The following SLC9A3 variants were observed in gnomAD, a reference collection of about 807,000 sequenced individuals.
SLC9A3 encodes solute carrier family 9 member A3, also known as sodium/hydrogen exchanger 3.
A neutral mutation model predicts 86.8 loss-of-function variants in SLC9A3; 37 were observed. The ratio of observed to expected loss-of-function variants is 0.43; its 90% CI spans 0.33 to 0.56. The LOEUF (loss-of-function observed/expected upper bound fraction) is 0.56. Among genes scored for constraint, SLC9A3 ranks in the 20% least tolerant of loss-of-function variants. SLC9A3 has a pLI of 0.06. For synonymous variants in SLC9A3, 581 were observed against 528.3 expected (o/e 1.10, Z -1.37); for missense variants, 1,011 against 1,171.9 (o/e 0.86, Z 2.00).
intron 1 of SLC9A3, among the ~76,000 whole-genome samples, chr5:518,368 C>T (rs563004080): frequency 6.6e-6 from 1 of 151,854 alleles, no homozygotes; most frequent in African/African-American, 2.4e-5. Context: ...TGAGATATGG[C>T]ACTTCGCGAC....
chr5:518,166 G>C (rs1262189861), intron 1 of SLC9A3, among the ~76,000 whole-genome samples: 2 of 152,240 alleles, frequency 1.3e-5, no homozygotes, highest in Non-Finnish European at 2.9e-5. Context: ...GACCTTGGAG[G>C]AGGAGGTGTC....
At position 482,656 on chromosome 5, in the gene SLC9A3, C is replaced by T. The variant is rs1244308790; in HGVS notation, c.1248G>A (p.Gly416=). Residue 416 remains glycine, a synonymous_variant, in exon 7 of 17, where the codon GGG becomes GGA. Coordinates refer to ENST00000264938, the MANE Select transcript of SLC9A3 (RefSeq NM_004174.4). ...QVVLSYGGLR[G]AVAFALVVLL... ...GCACCACCAGGGCAAAGGCCACGGCCCCGCGCAGGCCCCCGTAGGACAGGA... is the reference window on the plus strand; with the variant it reads ...GCACCACCAGGGCAAAGGCCACGGCTCCGCGCAGGCCCCCGTAGGACAGGA... The T allele has an allele frequency of 2.4e-5, 39 of 1,612,612 alleles. No homozygotes were observed. In the Admixed American group the frequency reaches 6.5e-4, roughly 27 times the overall value.
At chr5:510,027 T>C (rs999797865) in intron 1 of SLC9A3, among the ~76,000 whole-genome samples, 6 of 151,990 alleles carry the variant, frequency 3.9e-5, no homozygotes, top group African/African-American at 1.2e-4. Context: ...GCTCCAACGA[T>C]GTGGAGGAGA....
intron 7 of SLC9A3, 30 bp from the exon 8 acceptor site, chr5:482,187 C>A: frequency 1.3e-6 from 2 of 1,535,410 alleles, no homozygotes; most frequent in Middle Eastern, 3.4e-4. Context: ...GACCCTGGTG[C>A]CAGGCAGCCC....
At chr5:518,053 G>A (rs770268379) in intron 1 of SLC9A3, among the ~76,000 whole-genome samples, 3 of 152,136 alleles carry the variant, frequency 2.0e-5, no homozygotes, top group African/African-American at 7.2e-5. Flanking sequence ...GTCCATTCAC[G>A]TGCTCAGATC....
At chr5:518,540 G>A (rs1050012573) in intron 1 of SLC9A3, among the ~76,000 whole-genome samples, 4 of 152,212 alleles carry the variant, frequency 2.6e-5, no homozygotes, top group Non-Finnish European at 5.9e-5. Context: ...GGTGAGGAAA[G>A]CCTTGGTGGC....
chr5:492,369 G>T (rs1380168682), intron 1 of SLC9A3, among the ~76,000 whole-genome samples: 77 of 49,896 alleles, frequency 1.5e-3, no homozygotes, highest in Non-Finnish European at 2.3e-3. Flanking sequence ...GGAGGGGAGG[G>T]AGGTAGGGGG....
chr5:471,654 C>A lies in SLC9A3; in HGVS notation c.*1725G>T. 2.4e-6 allele frequency: 1 copy of A among 409,356 alleles called. No homozygotes were observed. 25.4% of individuals were successfully genotyped at this position (409,356 alleles called of 1,614,324 possible). On this transcript the variant is annotated 3_prime_UTR_variant, in exon 17 of 17. Transcript: ENST00000264938. Reference sequence around the variant, plus strand: ...GCAGGGCTTGCTGCATAGAGGATGGCTGCATTTTGTGCTCAGAGTTGGTTG... The same window carrying A: ...GCAGGGCTTGCTGCATAGAGGATGGATGCATTTTGTGCTCAGAGTTGGTTG...
At chr5:503,938 A>G (rs1307587805) in intron 1 of SLC9A3, among the ~76,000 whole-genome samples, 1 of 152,120 alleles carries the variant, frequency 6.6e-6, no homozygotes, top group Non-Finnish European at 1.5e-5. Flanking sequence ...GGGGGTTCCC[A>G]TCTTCACCCG....
At chr5:479,742 G>C in intron 10 of SLC9A3, 94 bp downstream of exon 10, 1 of 1,347,728 alleles carries the variant, frequency 7.4e-7, no homozygotes, top group South Asian at 1.2e-5. Flanking sequence ...TTGGGACGCG[G>C]GTGCAGGGGC....
At chr5:520,105 G>A (rs572233913) in intron 1 of SLC9A3, among the ~76,000 whole-genome samples, 39 of 146,382 alleles carry the variant, frequency 2.7e-4, no homozygotes, top group Admixed American at 8.1e-4. Context: ...AGTCACTGCC[G>A]CTGCTCAGGT....
In SLC9A3 at chr5:472,699, G is replaced by A; in HGVS notation, c.*680C>T. ...TTTACCTGCAGTTCAAAGACCTGGC[G>A]AGGGCCTGGAAACGGCGCTCGGCCC... On this transcript the variant is annotated 3_prime_UTR_variant, in exon 17 of 17. Transcript: ENST00000264938. 3.7e-6 allele frequency: 2 copies of A among 539,912 alleles called. No individual in the cohort carries two copies. Among genetic ancestry groups the A allele is most frequent in the East Asian group, 4.5e-5 (1 of 22,164 alleles). The allele number at this position is 539,912 out of a possible 1,614,324, so 33.4% of individuals were successfully genotyped here. A position where few individuals can be genotyped will look rare whatever the true frequency, so the allele number is the denominator to read the frequency against.
At chr5:514,432 C>T (rs868868530) in intron 1 of SLC9A3, among the ~76,000 whole-genome samples, 23 of 152,230 alleles carry the variant, frequency 1.5e-4, no homozygotes, top group Admixed American at 1.1e-3. Context: ...CCGCTGGCTC[C>T]CCCTTCCTGG....
Position 524,186 on chromosome 5 carries a change from G to T in SLC9A3, c.137C>A (p.Thr46Asn). Residue 46 changes from threonine (T) to asparagine (N), a missense_variant, in exon 1 of 17, where the codon ACC (threonine) becomes AAC (asparagine). By Grantham distance (65) the Thr-to-Asn change is moderately conservative. Coordinates refer to ENST00000264938, the MANE Select transcript of SLC9A3 (RefSeq NM_004174.4). ...HGESGGFQVV[T>N]FEWAHVQDPY... Reference sequence around the variant, plus strand: ...ATCCTGCACGTGGGCCCACTCGAAGGTGACCACCTGGAAGCCCCCGCTCTC... The same window carrying T: ...ATCCTGCACGTGGGCCCACTCGAAGTTGACCACCTGGAAGCCCCCGCTCTC... 1 of 1,546,480 alleles carries T rather than the reference G, an allele frequency of 6.5e-7. No individual in the cohort carries two copies. The highest frequency in any genetic ancestry group is 1.2e-5 in the South Asian group (1 of 83,062).
rs910682611 is a variant in SLC9A3 at position 482,439 on chromosome 5, T to C, written c.1356+109A>G. 8.5e-6 allele frequency: 8 copies of C among 942,636 alleles called. No homozygotes were observed. The East Asian group carries it at 1.2e-4, about 14-fold the overall frequency. 58.4% of individuals were successfully genotyped at this position (942,636 alleles called of 1,614,324 possible). ...AAACGGCTCCTAGTTACTAAAATTA[T>C]GAAACCCAATTAGGGTCTGGAGCCT... On this transcript the variant is annotated intron_variant, in intron 7 of 16. Transcript: ENST00000264938.
intron 16 of SLC9A3, among the ~76,000 whole-genome samples, chr5:473,877 G>A (rs1738544348): frequency 6.6e-6 from 1 of 152,232 alleles, no homozygotes; most frequent in Admixed American, 6.5e-5. Flanking sequence ...GACCCGGGGC[G>A]TCTGTCTGGC....
chr5:471,116 A>G lies in SLC9A3; in HGVS notation c.*2263T>C, dbSNP rs1406307100. ...GTGTTTAGCCTGTGCAATTCTCGTC[A>G]ACACAGAACACCTGCCTGCCCACCC... On this transcript the variant is annotated 3_prime_UTR_variant, in exon 17 of 17. Coordinates refer to ENST00000264938, the MANE Select transcript of SLC9A3 (RefSeq NM_004174.4). 1 of 154,486 alleles carries G rather than the reference A, an allele frequency of 6.5e-6. No individual in the cohort carries two copies. The highest frequency in any genetic ancestry group is 1.4e-5 in the Non-Finnish European group (1 of 69,444). The allele number at this position is 154,486 out of a possible 1,614,324, so 9.6% of individuals were successfully genotyped here. A position where few individuals can be genotyped will look rare whatever the true frequency, so the allele number is the denominator to read the frequency against.
chr5:489,497 C>T (rs566882176), intron 2 of SLC9A3, among the ~76,000 whole-genome samples: 2 of 152,166 alleles, frequency 1.3e-5, no homozygotes, highest in African/African-American at 4.8e-5. Flanking sequence ...TCTGTGCTGG[C>T]GCCTGGGAGG....
rs869312806 is a variant in SLC9A3 at position 484,520 on chromosome 5, G to A, written c.932C>T (p.Ala311Val). The A allele has an allele frequency of 1.2e-6, 2 of 1,612,370 alleles. No individual in the cohort carries two copies. The highest frequency in any genetic ancestry group is 1.7e-6 in the Non-Finnish European group (2 of 1,179,852). ...SEMLSLSAIL[A>V]ITFCGICCQK... ...GCTCGCGTGTGTGGGAGGGACTCAC[G>A]CGAGGATGGCCGACAGCGACAGCAT... is the stretch of plus-strand genomic sequence containing the variant. Residue 311 changes from alanine to valine, a missense_variant and splice_region_variant, in exon 5 of 17, where the codon GCC becomes GTC. By Grantham distance (64) the Ala-to-Val change is moderately conservative. Transcript: ENST00000264938.
Sources: allele counts gnomAD v4.1 joint callset (sites outside exome capture counted in the v4.1 genomes callset), GRCh38; gene constraint gnomAD v4.1.1; transcripts MANE v1.5; gene names NCBI Gene and HGNC (gene_info 2026-07-23, HGNC 2026-07-21).